The following PCDH9 variants were observed in gnomAD, a reference collection of about 807,000 sequenced individuals.
PCDH9 encodes the protein protocadherin-9.
PCDH9 carries 24 observed loss-of-function variants against 70.6 expected under a neutral mutation model. That is an observed-to-expected ratio of 0.34 (90% CI 0.25 to 0.48). The LOEUF is 0.48. Ranked by LOEUF, PCDH9 falls within the 20% of genes least tolerant of loss-of-function variation. PCDH9 has a pLI of 0.99. For synonymous variants in PCDH9, 562 were observed against 558.5 expected (o/e 1.01, Z -0.09); for missense variants, 1,281 against 1,503.6 (o/e 0.85, Z 2.45).
intron 4 of PCDH9, among the ~76,000 whole-genome samples, chr13:66,316,477 C>T (rs1955653403): frequency 6.6e-6 from 1 of 152,138 alleles, no homozygotes; most frequent in African/African-American, 2.4e-5. Context: ...TAATCTCATA[C>T]CTCACTTCTT....
At chr13:66,606,337 C>A (rs1485814601) in intron 4 of PCDH9, among the ~76,000 whole-genome samples, 1 of 152,044 alleles carries the variant, frequency 6.6e-6, no homozygotes, top group Non-Finnish European at 1.5e-5. Flanking sequence ...TAGTTCTAGG[C>A]ACCACGAATG....
chr13:67,074,302 G>A (rs1255483920), intron 2 of PCDH9, among the ~76,000 whole-genome samples: 1 of 151,936 alleles, frequency 6.6e-6, no homozygotes, highest in African/African-American at 2.4e-5. Context: ...GCACTCCCTC[G>A]CCCCTTCCCC....
At chr13:66,542,775 A>C (rs1348120559) in intron 4 of PCDH9, among the ~76,000 whole-genome samples, 2 of 147,384 alleles carry the variant, frequency 1.4e-5, no homozygotes, top group Admixed American at 6.8e-5. Flanking sequence ...ATATTTAAAC[A>C]TATATATATT....
chr13:66,743,891 T>G (rs2079314111), intron 3 of PCDH9, among the ~76,000 whole-genome samples: 1 of 152,124 alleles, frequency 6.6e-6, no homozygotes, highest in Admixed American at 6.6e-5. Context: ...TAAAGATGTA[T>G]TAGACGTAAT....
chr13:66,857,844 T>G (rs2081419516), intron 3 of PCDH9, among the ~76,000 whole-genome samples: 2 of 152,030 alleles, frequency 1.3e-5, no homozygotes, highest in African/African-American at 4.8e-5. Context: ...CAGCACCTTT[T>G]CCTCCCAATT....
chr13:67,225,109 T>C (rs1414973248), intron 2 of PCDH9: 2 of 1,268,830 alleles, frequency 1.6e-6, no homozygotes, highest in Non-Finnish European at 2.0e-6. Context: ...TCAGGACAGG[T>C]TTTTTCTTCT....
chr13:66,564,449 A>G (rs1404888502), intron 4 of PCDH9, among the ~76,000 whole-genome samples: 1 of 152,120 alleles, frequency 6.6e-6, no homozygotes, highest in African/African-American at 2.4e-5. Flanking sequence ...TACAGGCATG[A>G]CCCACCACAC....
intron 4 of PCDH9, among the ~76,000 whole-genome samples, chr13:66,342,464 C>T (rs542749999): frequency 8.5e-5 from 13 of 152,292 alleles, no homozygotes; most frequent in African/African-American, 2.9e-4. Context: ...GAGGAATTTA[C>T]TCCTTATAAC....
intron 4 of PCDH9, among the ~76,000 whole-genome samples, chr13:66,499,356 T>C (rs1239064225): frequency 6.6e-6 from 1 of 152,190 alleles, no homozygotes; most frequent in Non-Finnish European, 1.5e-5. Flanking sequence ...TACTTGGACA[T>C]TAATGAATGA....
chr13:67,095,069 T>C (rs1270114350), intron 2 of PCDH9, among the ~76,000 whole-genome samples: 1 of 152,160 alleles, frequency 6.6e-6, no homozygotes, highest in African/African-American at 2.4e-5. Flanking sequence ...AGTTTTTTTT[T>C]CAAAAAGACA....
intron 4 of PCDH9, among the ~76,000 whole-genome samples, chr13:66,515,524 T>C (rs1004239074): frequency 6.6e-6 from 1 of 151,948 alleles, no homozygotes; most frequent in Non-Finnish European, 1.5e-5. Flanking sequence ...CATAACATTA[T>C]ACATATTTAG....
chr13:66,956,098 AC>A (rs1419303744), intron 2 of PCDH9, among the ~76,000 whole-genome samples: 2 of 151,980 alleles, frequency 1.3e-5, no homozygotes, highest in Non-Finnish European at 2.9e-5. Flanking sequence ...AAAAATAAAA[AC>A]AAACAAAAAC....
At chr13:66,918,684 T>C (rs2082594363) in intron 2 of PCDH9, among the ~76,000 whole-genome samples, 2 of 151,278 alleles carry the variant, frequency 1.3e-5, no homozygotes, top group Non-Finnish European at 3.0e-5. Context: ...CACTATTTTA[T>C]ATTATTATGA....
chr13:66,491,305 C>A (rs1959027794), intron 4 of PCDH9, among the ~76,000 whole-genome samples: 1 of 151,784 alleles, frequency 6.6e-6, no homozygotes, highest in South Asian at 2.1e-4. Flanking sequence ...CGCTGAAATT[C>A]TCTCGTAAAT....
At chr13:66,829,601 G>T (rs1391121179) in intron 3 of PCDH9, among the ~76,000 whole-genome samples, 1 of 149,974 alleles carries the variant, frequency 6.7e-6, no homozygotes, top group Non-Finnish European at 1.5e-5. Context: ...CTGACATTAC[G>T]AAAAGTAAAA....
intron 4 of PCDH9, among the ~76,000 whole-genome samples, chr13:66,539,004 G>A (rs4394963): frequency 0.98 from 149,451 of 152,200 alleles, 73,434 homozygotes; most frequent in East Asian, 1. Context: ...ATTAATCTAT[G>A]TTTTTAACAC....
At chr13:66,646,111 A>C (rs1370007972) in intron 3 of PCDH9, among the ~76,000 whole-genome samples, 1 of 152,194 alleles carries the variant, frequency 6.6e-6, no homozygotes, top group African/African-American at 2.4e-5. Context: ...TAAAACTAAC[A>C]AGAAAGATTC....
Position 67,168,590 on chromosome 13 carries a change from G to C in PCDH9, c.3036+56815C>G, listed in dbSNP as rs996029036. On this transcript the variant is annotated intron_variant, in intron 2 of 4. Transcript: ENST00000377865. ...AAATGTTAAAAAAAAAAATTAGCCA[G>C]GCATGGTGGGTGCACCTGTGTTCCA... 1.8e-4 allele frequency among the ~76,000 whole-genome samples: 28 copies of C among 151,748 alleles called. No homozygotes were observed. The East Asian group carries it at 3.5e-3, about 19-fold the overall frequency.
intron 3 of PCDH9, among the ~76,000 whole-genome samples, chr13:66,658,032 A>T (rs1287656925): frequency 6.6e-6 from 1 of 152,216 alleles, no homozygotes; most frequent in Non-Finnish European, 1.5e-5. Flanking sequence ...TAAGAAATCT[A>T]GAGATGATTT....
Sources: allele counts gnomAD v4.1 joint callset (sites outside exome capture counted in the v4.1 genomes callset), GRCh38; gene constraint gnomAD v4.1.1; transcripts MANE v1.5; gene names NCBI Gene and HGNC (gene_info 2026-07-23, HGNC 2026-07-21).